Variants in PRKCH observed in about 807,000 individuals in gnomAD.
PRKCH encodes the protein protein kinase C eta type.
Under a neutral mutation model 82.5 loss-of-function variants are expected in PRKCH, and 28 were observed. That is an observed-to-expected ratio of 0.34 (90% CI 0.25 to 0.47). PRKCH has a LOEUF of 0.47. PRKCH is among the 20% of genes least tolerant of loss of function. PRKCH has a pLI of 1.00. For missense variants in PRKCH, 705 were observed against 881.8 expected, an observed-to-expected ratio of 0.80 and a Z score of 2.54; for synonymous variants, 322 against 327.4, an observed-to-expected ratio of 0.98 and a Z score of 0.18.
intron 9 of PRKCH, among the ~76,000 whole-genome samples, chr14:61,479,674 C>T (rs540812808): frequency 3.9e-5 from 6 of 152,330 alleles, no homozygotes; most frequent in Middle Eastern, 3.4e-3. Flanking sequence ...TTAGGGAATG[C>T]ACCTTACTTA....
chr14:61,483,285 G>A (rs971684370), intron 9 of PRKCH, among the ~76,000 whole-genome samples: 3 of 152,170 alleles, frequency 2.0e-5, no homozygotes, highest in Admixed American at 6.5e-5. Context: ...TTCCCATTTA[G>A]AAAATACAGG....
intron 1 of PRKCH, among the ~76,000 whole-genome samples, chr14:61,347,644 C>G (rs1274228631): frequency 6.6e-6 from 1 of 152,196 alleles, no homozygotes; most frequent in African/African-American, 2.4e-5. Flanking sequence ...ATGTAGGCCC[C>G]TTGGAGCTGC....
At chr14:61,267,343 C>T (rs1261544187) in intron 1 of PRKCH, among the ~76,000 whole-genome samples, 2 of 152,166 alleles carry the variant, frequency 1.3e-5, no homozygotes, top group Admixed American at 6.5e-5. Context: ...CAAAGCTTCC[C>T]GGTTCAAGGA....
intron 2 of PRKCH, among the ~76,000 whole-genome samples, chr14:61,440,043 A>G (rs1163413149): frequency 6.6e-6 from 1 of 152,234 alleles, no homozygotes; most frequent in African/African-American, 2.4e-5. Context: ...GCATCTATAC[A>G]TGATAAGTGT....
intron 5 of PRKCH, among the ~76,000 whole-genome samples, chr14:61,449,989 T>G (rs1346241088): frequency 6.6e-6 from 1 of 152,100 alleles, no homozygotes; most frequent in Non-Finnish European, 1.5e-5. Context: ...GGCATACATT[T>G]TAAATTCTAG....
intron 1 of PRKCH, among the ~76,000 whole-genome samples, chr14:61,192,787 C>T (rs2044415043): frequency 6.6e-6 from 1 of 152,228 alleles, no homozygotes; most frequent in African/African-American, 2.4e-5. Flanking sequence ...TGGGGCCACA[C>T]TTTGGAAGAC....
intron 1 of PRKCH, among the ~76,000 whole-genome samples, chr14:61,354,858 A>G (rs2046128771): frequency 6.6e-6 from 1 of 152,106 alleles, no homozygotes; most frequent in African/African-American, 2.4e-5. Flanking sequence ...TAAACAGTAA[A>G]CTCTGAGAAC....
intron 1 of PRKCH, among the ~76,000 whole-genome samples, chr14:61,250,176 C>G (rs1336611793): frequency 6.6e-6 from 1 of 150,924 alleles, no homozygotes; most frequent in Non-Finnish European, 1.5e-5. Context: ...ACAAGAATCA[C>G]TTGAACAGAG....
intron 1 of PRKCH, among the ~76,000 whole-genome samples, chr14:61,247,505 G>A (rs996346526): frequency 2.0e-5 from 3 of 152,054 alleles, no homozygotes; most frequent in African/African-American, 7.2e-5. Flanking sequence ...GGAGGCCGAG[G>A]TGGGCAGATC....
At chr14:61,390,917 A>G (rs2046669185) in intron 1 of PRKCH, 1 of 253,158 alleles carries the variant, frequency 4.0e-6, no homozygotes, top group African/African-American at 2.3e-5. Flanking sequence ...CCATATGCAT[A>G]AGATATGGAG....
rs529201487 is a variant in PRKCH, at chr14:61,520,532, A to G, written c.1434-8543A>G. On this transcript the variant is annotated intron_variant, in intron 10 of 13. Coordinates refer to ENST00000332981, the MANE Select transcript of PRKCH (RefSeq NM_006255.5). ...TATAAAAAATTATTACTATCCCATA[A>G]TATGAGCTTCTTAAAAAAATCAAAA... is the stretch of plus-strand genomic sequence containing the variant. Among the ~76,000 whole-genome samples, 65 of 152,330 alleles carry G rather than the reference A, an allele frequency of 4.3e-4. No homozygotes were observed. The Middle Eastern group carries it at 0.01, about 24-fold the overall frequency.
chr14:61,528,455 A>G (rs1381300588), intron 10 of PRKCH, among the ~76,000 whole-genome samples: 2 of 152,034 alleles, frequency 1.3e-5, no homozygotes, highest in Non-Finnish European at 2.9e-5. Flanking sequence ...CAGCCTCCCA[A>G]AGTGTTGGGA....
At chr14:61,256,374 C>T (rs750354765) in intron 1 of PRKCH, among the ~76,000 whole-genome samples, 18 of 152,118 alleles carry the variant, frequency 1.2e-4, no homozygotes, top group African/African-American at 9.7e-5. Flanking sequence ...CTGAATTCCC[C>T]GGAGTTGGTT....
At position 61,263,805 on chromosome 14, in the gene PRKCH, C is replaced by A. The variant is rs370731343; in HGVS notation, c.-19+76137C>A. ...CAAGTCCTCTAAAATTTAGAATATA[C>A]GAGCAGGTAATGTCTAAGGAAAAGC... On this transcript the variant is annotated intron_variant, in intron 1 of 3. Transcript: ENST00000555185. Among the ~76,000 whole-genome samples, 26 of 150,466 alleles carry A rather than the reference C, an allele frequency of 1.7e-4. 1 individual carries two copies. The South Asian group carries it at 3.8e-3, about 22-fold the overall frequency.
chr14:61,371,536 C>A lies in PRKCH; in HGVS notation c.364-19689C>A, dbSNP rs2046364201. Among the ~76,000 whole-genome samples the A allele has an allele frequency of 1.3e-5, 2 of 152,008 alleles. 1 individual carries two copies. Among genetic ancestry groups the A allele is most frequent in the African/African-American group, 4.8e-5 (2 of 41,278 alleles). On this transcript the variant is annotated intron_variant, in intron 1 of 13. Coordinates refer to ENST00000332981, the MANE Select transcript of PRKCH (RefSeq NM_006255.5). Reference sequence around the variant, plus strand: ...AGAATGTCCTTCAAATTGGGTTTGTCTAATGTTTTTCCTGTGGTTCAAGGG... The same window carrying A: ...AGAATGTCCTTCAAATTGGGTTTGTATAATGTTTTTCCTGTGGTTCAAGGG...
In PRKCH at chr14:61,328,256, CAAAAAAAAAAAAAA is replaced by C. The variant is rs71117811; in HGVS notation, c.363+5804_363+5817del. ...TGGGCAACAGAGCGAGACTCCGTCT[CAAAAAAAAAAAAAA>C]AAAAAAAAAAAGAAAGACTGGGCCT... On this transcript the variant is annotated intron_variant, in intron 1 of 13. Transcript: ENST00000332981. Among the ~76,000 whole-genome samples, 4 of 74,376 alleles carry C rather than the reference CAAAAAAAAAAAAAA, an allele frequency of 5.4e-5. No homozygotes were observed. The East Asian group carries it at 1.7e-3, about 31-fold the overall frequency. The allele number at this position is 74,376 out of a possible 152,430, so 48.8% of individuals were successfully genotyped here.
At chr14:61,338,240 T>A (rs1298949496) in intron 1 of PRKCH, among the ~76,000 whole-genome samples, 1 of 152,226 alleles carries the variant, frequency 6.6e-6, no homozygotes, top group Non-Finnish European at 1.5e-5. Flanking sequence ...AGGAAATGTT[T>A]GTAGAAAGGA....
intron 1 of PRKCH, among the ~76,000 whole-genome samples, chr14:61,332,223 A>G (rs1159179538): frequency 7.9e-5 from 12 of 152,218 alleles, no homozygotes; most frequent in Admixed American, 7.8e-4. Context: ...CAGACATTTT[A>G]ATTAGAGGGA....
intron 10 of PRKCH, 53 bp downstream of exon 10, chr14:61,485,709 G>T: frequency 1.3e-6 from 2 of 1,558,606 alleles, no homozygotes; most frequent in Non-Finnish European, 1.8e-6. Context: ...TCCCTCTCCT[G>T]GTATGATCCA....
Sources: allele counts gnomAD v4.1 joint callset (sites outside exome capture counted in the v4.1 genomes callset), GRCh38; gene constraint gnomAD v4.1.1; transcripts MANE v1.5; gene names NCBI Gene and HGNC (gene_info 2026-07-23, HGNC 2026-07-21).